The following OTOF variants were observed in gnomAD, a reference collection of about 807,000 sequenced individuals.
OTOF encodes fer-1-like family member 2.
A neutral mutation model predicts 236.8 loss-of-function variants in OTOF; 218 were observed. The ratio of observed to expected loss-of-function variants is 0.92; its 90% CI spans 0.82 to 1.03. The LOEUF is 1.03. OTOF is among the 50% of genes least tolerant of loss of function. The probability of loss-of-function intolerance (pLI) is 0.00; values close to 1 mark genes in which losing one functional copy is unlikely to be tolerated. For synonymous variants in OTOF, 1,041 were observed against 1,072.5 expected, an observed-to-expected ratio of 0.97 and a Z score of 0.57; for missense variants, 2,590 against 2,694.4, an observed-to-expected ratio of 0.96 and a Z score of 0.86.
chr2:26,469,468 C>A (rs1299524276), intron 32 of OTOF, among the ~76,000 whole-genome samples: 2 of 152,212 alleles, frequency 1.3e-5, no homozygotes, highest in African/African-American at 2.4e-5. Context: ...CATTTCCCAG[C>A]CTCCTTTGCA....
At chr2:26,493,239 C>G (rs1008134995) in intron 9 of OTOF, among the ~76,000 whole-genome samples, 2 of 152,122 alleles carry the variant, frequency 1.3e-5, no homozygotes, top group South Asian at 4.1e-4. Flanking sequence ...AAGGAGAGTT[C>G]GGCCAGGCCT....
intron 40 of OTOF, 147 bp downstream of exon 40, chr2:26,463,817 C>A: frequency 9.0e-7 from 1 of 1,116,818 alleles, no homozygotes; most frequent in Admixed American, 1.8e-5. Flanking sequence ...TCAAGTTACC[C>A]TGAGGGGCCT....
chr2:26,517,759 G>A (rs1666571693), intron 4 of OTOF, among the ~76,000 whole-genome samples: 1 of 152,192 alleles, frequency 6.6e-6, no homozygotes, highest in African/African-American at 2.4e-5. Flanking sequence ...ATAACAATGG[G>A]TAGCGGAGAT....
intron 36 of OTOF, 78 bp from the exon 37 acceptor site, chr2:26,466,154 G>A: frequency 6.3e-7 from 1 of 1,585,584 alleles, no homozygotes; most frequent in Admixed American, 1.7e-5. Context: ...GCTGCCTGAG[G>A]GTCCTATGAC....
rs1358025747 is a variant in OTOF, at chr2:26,476,023, T to C, written c.2882A>G (p.Gln961Arg). Residue 961 changes from glutamine (Q) to arginine (R), a missense_variant, in exon 24 of 47, where the codon CAG becomes CGG. This residue lies in a region of OTOF where 1,379 missense variants were observed against 1,341.6 expected (regional missense o/e 1.03). Transcript: ENST00000272371. ...GGCCTGGTACATGTGCGCTCGGAGC[T>C]GGAACGCCTGCTTCTCTGTGGGGAA... ...SLVYTKKQAF[Q>R]LRAHMYQARS... The C allele has an allele frequency of 3.1e-6, 5 of 1,612,530 alleles. No homozygotes were observed. The African/African-American group carries it at 6.7e-5, about 22-fold the overall frequency.
chr2:26,480,425 A>T (rs1665500875), intron 15 of OTOF, 114 bp from the exon 16 acceptor site: 1 of 750,882 alleles, frequency 1.3e-6, no homozygotes, highest in African/African-American at 1.7e-5. Flanking sequence ...GGGGCATCCC[A>T]CCCGGCTTTG....
intron 5 of OTOF, among the ~76,000 whole-genome samples, chr2:26,506,524 T>G (rs1185617901): frequency 6.6e-6 from 1 of 152,192 alleles, no homozygotes; most frequent in Non-Finnish European, 1.5e-5. Context: ...CCCTGCTGCC[T>G]GAGTCCCGGG....
chr2:26,555,983 G>A (rs1195456950), intron 1 of OTOF, among the ~76,000 whole-genome samples: 2 of 152,144 alleles, frequency 1.3e-5, no homozygotes, highest in Non-Finnish European at 2.9e-5. Flanking sequence ...TAGGATCTAG[G>A]GCTTCTGACT....
At chr2:26,503,588 T>C (rs991817830) in intron 6 of OTOF, among the ~76,000 whole-genome samples, 184 bp downstream of exon 6, 6 of 152,220 alleles carry the variant, frequency 3.9e-5, no homozygotes, top group Non-Finnish European at 8.8e-5. Context: ...CAGAGGGCGC[T>C]GCCCGTTTCC....
chr2:26,464,029 G>T lies in OTOF; in HGVS notation c.5038C>A (p.Arg1680Ser). ...HWEDIPRAGCRLVPEHVETRP... is the reference protein window; with the variant it reads ...HWEDIPRAGCSLVPEHVETRP... ...GTCTCCACATGCTCTGGCACCAGGC[G>T]GCAGCCTGCGCGGGGGATGTCCTCC... The change falls in exon 40 of 47, where the codon CGC becomes AGC. Residue 1680 changes from arginine (R) to serine (S), a missense_variant. By Grantham distance (110) the Arg-to-Ser change is moderately radical. Coordinates refer to ENST00000272371, the MANE Select transcript of OTOF (RefSeq NM_194248.3). 1 of 1,613,698 alleles carries T rather than the reference G, an allele frequency of 6.2e-7. No homozygotes were observed. The highest frequency in any genetic ancestry group is 8.5e-7 in the Non-Finnish European group (1 of 1,180,004).
At chr2:26,466,676 A>G (rs777707535) in intron 36 of OTOF, 38 bp downstream of exon 36, 4 of 1,612,704 alleles carry the variant, frequency 2.5e-6, no homozygotes, top group Non-Finnish European at 2.5e-6. Flanking sequence ...TGGGAGGATG[A>G]GGAGACTTGC....
intron 2 of OTOF, among the ~76,000 whole-genome samples, chr2:26,528,526 A>G (rs143371084): frequency 6.6e-6 from 1 of 152,282 alleles, no homozygotes; most frequent in Non-Finnish European, 1.5e-5. Flanking sequence ...TCCCCAACTC[A>G]TTGTTTCTAG....
At position 26,458,100 on chromosome 2, in the gene OTOF, C is replaced by T; in HGVS notation, c.*138G>A. ...GGAGGCTGTAGAGGAAGAGCCCCAA[C>T]ATGAGCAGCCCCAACAGCGCCAGCA... On this transcript the variant is annotated 3_prime_UTR_variant, in exon 47 of 47. Coordinates refer to ENST00000272371, the MANE Select transcript of OTOF (RefSeq NM_194248.3). 1 of 1,614,190 alleles carries T rather than the reference C, an allele frequency of 6.2e-7. No homozygotes were observed. Among genetic ancestry groups the T allele is most frequent in the South Asian group, 1.1e-5 (1 of 91,084 alleles).
chr2:26,548,193 C>T (rs1331175660), intron 1 of OTOF, among the ~76,000 whole-genome samples: 1 of 151,944 alleles, frequency 6.6e-6, no homozygotes, highest in African/African-American at 2.4e-5. Flanking sequence ...TAGGGTTTAT[C>T]TATTTTATTA....
intron 41 of OTOF, 79 bp downstream of exon 41, chr2:26,463,404 C>T (rs2148023270): frequency 8.1e-7 from 1 of 1,231,902 alleles, no homozygotes; most frequent in Non-Finnish European, 1.2e-6. Context: ...CCTGAGCCCC[C>T]CGCAGGAAGG....
rs1236340105 is a variant in OTOF, at chr2:26,473,242, T to C, written c.3623A>G (p.Asp1208Gly). ...TGTGTAGCGACCGAAGGCCCGGCAGTCCACCACACGGATGTTCAAGGGCGG... is the reference window on the plus strand; with the variant it reads ...TGTGTAGCGACCGAAGGCCCGGCAGCCCACCACACGGATGTTCAAGGGCGG... ...LHPPLNIRVV[D>G]CRAFGRYTLV... The change falls in exon 29 of 47, where the codon GAC becomes GGC. Residue 1208 changes from aspartate (D) to glycine (G), a missense_variant. Asp to Gly is a moderately conservative substitution (Grantham distance 94, BLOSUM62 -1). This residue lies in a region of OTOF where 1,211 missense variants were observed against 1,352.8 expected (regional missense o/e 0.90). Transcript: ENST00000272371. The surrounding 1 kb of genome is among the most constrained non-coding windows in gnomAD (Gnocchi z 7.2). 6.2e-7 allele frequency: 1 copy of C among 1,613,352 alleles called. No individual in the cohort carries two copies. Among genetic ancestry groups the C allele is most frequent in the Admixed American group, 1.7e-5 (1 of 60,000 alleles).
intron 1 of OTOF, among the ~76,000 whole-genome samples, chr2:26,555,537 G>C (rs1572504522): frequency 6.6e-6 from 1 of 152,204 alleles, no homozygotes; most frequent in East Asian, 1.9e-4. Flanking sequence ...TGACCGAGGG[G>C]CCGACTGGCC....
At chr2:26,537,021 C>T (rs1190293295) in intron 2 of OTOF, among the ~76,000 whole-genome samples, 2 of 152,158 alleles carry the variant, frequency 1.3e-5, no homozygotes, top group African/African-American at 4.8e-5. Flanking sequence ...CTCACTGCTC[C>T]TGGGCACCCC....
chr2:26,478,480 G>A (rs910149315), intron 18 of OTOF, among the ~76,000 whole-genome samples: 1 of 152,134 alleles, frequency 6.6e-6, no homozygotes, highest in African/African-American at 2.4e-5. Flanking sequence ...AACAGCTCAG[G>A]GAAGGGCGGG....
Sources: gnomAD v4.1 joint callset for allele counts (sites outside exome capture counted in the v4.1 genomes callset) on GRCh38, gnomAD v4.1.1 for gene constraint, gnomAD v4.1.1 regional missense constraint, Gnocchi (gnomAD v3.1) non-coding constraint, MANE v1.5 for transcripts, NCBI Gene and HGNC (gene_info 2026-07-23, HGNC 2026-07-21) for gene names.